The following TENM3 variants were observed in gnomAD, a reference collection of about 807,000 sequenced individuals.
TENM3 encodes teneurin transmembrane protein 3, also known as teneurin-3.
TENM3 carries 63 observed loss-of-function variants against 255.1 expected under a neutral mutation model. That is an observed-to-expected ratio of 0.25 (90% CI 0.20 to 0.30). The LOEUF (loss-of-function observed/expected upper bound fraction) is 0.30, where lower values mean the gene tolerates loss of function less well. Ranked by LOEUF, TENM3 falls within the 10% of genes least tolerant of loss-of-function variation. TENM3 has a pLI of 1.00. For synonymous variants in TENM3, 1,306 were observed against 1,322.3 expected, an observed-to-expected ratio of 0.99 and a Z score of 0.27; for missense variants, 2,929 against 3,461.1, an observed-to-expected ratio of 0.85 and a Z score of 3.86.
Position 182,800,123 on chromosome 4 carries a change from G to A in TENM3, c.7872G>A (p.Ala2624=), listed in dbSNP as rs367925910. Reference sequence around the variant, plus strand: ...AGAAGGCGCGCATCCTGGAGCAGGCGCGGCAGCGCGCGCTCGCCCGGGCCT... The same window carrying A: ...AGAAGGCGCGCATCCTGGAGCAGGCACGGCAGCGCGCGCTCGCCCGGGCCT... ...DEEKARILEQ[A]RQRALARAWA... Residue 2624 remains alanine, a synonymous_variant, in exon 28 of 28, where the codon GCG becomes GCA. Coordinates refer to ENST00000511685, the MANE Select transcript of TENM3 (RefSeq NM_001080477.4). The A allele has an allele frequency of 9.0e-5, 135 of 1,493,580 alleles. 1 individual carries two copies. Among genetic ancestry groups the A allele is most frequent in the Non-Finnish European group, 1.1e-4 (126 of 1,130,408 alleles). 92.5% of individuals were successfully genotyped at this position (1,493,580 alleles called of 1,614,324 possible). A position where few individuals can be genotyped will look rare whatever the true frequency, so the allele number is the denominator to read the frequency against.
At chr4:182,143,315 GT>G (rs1412345125), upstream of TENM3, 1 of 167,094 alleles carries the variant, frequency 6.0e-6, no homozygotes, top group Admixed American at 6.5e-5. The surrounding 1 kb of genome is among the most constrained non-coding windows in gnomAD (Gnocchi z 4.3). Context: ...GGAAGTCTGA[GT>G]GTTTACTGCC....
intron 12 of TENM3, among the ~76,000 whole-genome samples, chr4:182,693,554 G>T (rs1282119765): frequency 6.6e-6 from 1 of 152,104 alleles, no homozygotes; most frequent in African/African-American, 2.4e-5. Context: ...GGCCAGGCTG[G>T]TGTCGAATTC....
chr4:182,264,884 C>T (rs911898789), intron 1 of TENM3, among the ~76,000 whole-genome samples: 2 of 151,932 alleles, frequency 1.3e-5, no homozygotes, highest in African/African-American at 4.8e-5. Flanking sequence ...ATTTAAAAGG[C>T]CTTTATGTTT....
At chr4:182,078,379 G>T in the TENM3 span, among the ~76,000 whole-genome samples, 1 of 151,820 alleles carries the variant, frequency 6.6e-6, no homozygotes, top group Non-Finnish European at 1.5e-5. Flanking sequence ...AAAATTAGCC[G>T]GGCGTGGTGG....
intron 3 of TENM3, among the ~76,000 whole-genome samples, chr4:182,435,315 C>T (rs1296077996): frequency 6.6e-6 from 1 of 152,166 alleles, no homozygotes; most frequent in Non-Finnish European, 1.5e-5. Context: ...ATGACTTCTT[C>T]TATCTTAAGT....
the TENM3 span, among the ~76,000 whole-genome samples, chr4:181,764,615 G>A: frequency 1.3e-5 from 2 of 152,158 alleles, no homozygotes; most frequent in Admixed American, 1.3e-4. Flanking sequence ...TATTCCCCCA[G>A]AAGATAGTGC....
At chr4:182,047,200 A>G in the TENM3 span, among the ~76,000 whole-genome samples, 20 of 152,308 alleles carry the variant, frequency 1.3e-4, no homozygotes, top group African/African-American at 4.8e-4. Flanking sequence ...AAGGACTGTC[A>G]TAATTCCACT....
the TENM3 span, among the ~76,000 whole-genome samples, chr4:181,529,328 A>G: frequency 6.6e-6 from 1 of 152,236 alleles, no homozygotes; most frequent in African/African-American, 2.4e-5. Flanking sequence ...ATCCAGAAGG[A>G]AATGAGAGAA....
At chr4:182,135,653 T>G in the TENM3 span, among the ~76,000 whole-genome samples, 1 of 152,216 alleles carries the variant, frequency 6.6e-6, no homozygotes, top group East Asian at 1.9e-4. Context: ...TTTGAGAAAA[T>G]AGCATATGAC....
intron 16 of TENM3, 123 bp downstream of exon 16, chr4:182,731,262 T>C (rs1045604616): frequency 1.1e-6 from 1 of 903,822 alleles, no homozygotes; most frequent in Non-Finnish European, 1.6e-6. Context: ...TCCCAGCGCT[T>C]TGGGAGGCCG....
intron 1 of TENM3, among the ~76,000 whole-genome samples, chr4:182,211,857 C>A (rs1755064033): frequency 6.6e-6 from 1 of 151,960 alleles, no homozygotes; most frequent in African/African-American, 2.4e-5. Context: ...TTCCTTAATC[C>A]TTGCAGGGCC....
chr4:182,101,772 T>A, the TENM3 span, among the ~76,000 whole-genome samples: 2 of 152,208 alleles, frequency 1.3e-5, no homozygotes. Flanking sequence ...AGATGTTAAA[T>A]GTTCTCACCA....
the TENM3 span, among the ~76,000 whole-genome samples, chr4:181,505,150 C>T: frequency 6.6e-6 from 1 of 152,174 alleles, no homozygotes; most frequent in African/African-American, 2.4e-5. Flanking sequence ...GTGAGAAGCC[C>T]AGTCTCTGGG....
intron 19 of TENM3, among the ~76,000 whole-genome samples, chr4:182,751,375 A>G (rs1762361594): frequency 6.6e-6 from 1 of 152,212 alleles, no homozygotes; most frequent in Non-Finnish European, 1.5e-5. Context: ...AATCAGTAGT[A>G]TATTGTACTT....
At chr4:182,688,463 C>T (rs564455185) in intron 12 of TENM3, 112 bp downstream of exon 12, 13 of 835,480 alleles carry the variant, frequency 1.6e-5, no homozygotes, top group Admixed American at 1.2e-4. Flanking sequence ...TTTTACTTGT[C>T]TTTCTTAACA....
At chr4:182,498,251 A>G (rs905513054) in intron 3 of TENM3, among the ~76,000 whole-genome samples, 46 of 152,180 alleles carry the variant, frequency 3.0e-4, no homozygotes, top group African/African-American at 1.1e-3. Flanking sequence ...TTTAACACCT[A>G]GTGAAACACC....
At chr4:182,339,453 A>G (rs1764342130) in intron 2 of TENM3, among the ~76,000 whole-genome samples, 1 of 152,210 alleles carries the variant, frequency 6.6e-6, no homozygotes, top group African/African-American at 2.4e-5. Flanking sequence ...ACTGATTGTT[A>G]ACTAATTTTG....
At chr4:182,607,187 G>C (rs1349483164) in intron 4 of TENM3, among the ~76,000 whole-genome samples, 1 of 152,094 alleles carries the variant, frequency 6.6e-6, no homozygotes, top group African/African-American at 2.4e-5. Context: ...ATTGTGAAGG[G>C]CACCTCATTG....
intron 12 of TENM3, among the ~76,000 whole-genome samples, chr4:182,708,865 T>C (rs905193670): frequency 1.3e-5 from 2 of 151,666 alleles, no homozygotes; most frequent in African/African-American, 4.8e-5. Context: ...GGAAATATGG[T>C]CCTACTCATG....
Sources: allele counts gnomAD v4.1 joint callset (sites outside exome capture counted in the v4.1 genomes callset), GRCh38; gene constraint gnomAD v4.1.1; non-coding constraint Gnocchi (gnomAD v3.1); transcripts MANE v1.5; gene names NCBI Gene and HGNC (gene_info 2026-07-23, HGNC 2026-07-21).